FRMD6: variants seen among roughly 807,000 people sequenced by gnomAD.
The protein encoded by FRMD6 is FERM domain containing 6.
In FRMD6, 37 loss-of-function variants were observed where a neutral mutation model predicts 73.2. The observed-to-expected ratio is 0.51, with a 90% CI of 0.39 to 0.66. FRMD6 has a LOEUF of 0.66. FRMD6 is among the 30% of genes least tolerant of loss of function. The pLI is 0.00. For synonymous variants in FRMD6, 273 were observed against 282.2 expected (o/e 0.97, Z 0.33); for missense variants, 714 against 780.5 (o/e 0.91, Z 1.02).
chr14:51,503,754 A>G lies in FRMD6; in HGVS notation c.-210+14334A>G, dbSNP rs189390950. On this transcript the variant is annotated intron_variant, in intron 1 of 14. Coordinates refer to the FRMD6 transcript ENST00000356218. ...GGCTTCATAGAATGAATTAAGGAGG[A>G]GTTTCTCCTTTTCAATTTATTAGAA... 1.7e-3 allele frequency among the ~76,000 whole-genome samples: 246 copies of G among 147,564 alleles called. 1 individual carries two copies. The highest frequency in any genetic ancestry group is 1.6e-3 in the Non-Finnish European group (109 of 67,330).
chr14:51,616,920 G>T (rs1465113), intron 2 of FRMD6, among the ~76,000 whole-genome samples: 2 of 152,086 alleles, frequency 1.3e-5, no homozygotes, highest in Non-Finnish European at 1.5e-5. Flanking sequence ...CTATGAATAC[G>T]TGTGACATTA....
At chr14:51,398,151 C>G in the FRMD6 span, among the ~76,000 whole-genome samples, 1 of 152,178 alleles carries the variant, frequency 6.6e-6, no homozygotes, top group South Asian at 2.1e-4. Flanking sequence ...AGATTTTCCT[C>G]TCAGCATTAG....
chr14:51,543,274 A>C (rs573386431), intron 1 of FRMD6, among the ~76,000 whole-genome samples: 5 of 152,082 alleles, frequency 3.3e-5, no homozygotes, highest in African/African-American at 1.2e-4. Context: ...TATATGTAAG[A>C]GTATCAAAAA....
chr14:51,467,811 G>A, the FRMD6 span, among the ~76,000 whole-genome samples: 1 of 151,948 alleles, frequency 6.6e-6, no homozygotes, highest in African/African-American at 2.4e-5. Context: ...CCCAGACTGG[G>A]CGGCCGGGCA....
intron 12 of FRMD6, among the ~76,000 whole-genome samples, chr14:51,725,550 ATCT>A (rs1197807411): frequency 1.3e-5 from 2 of 152,234 alleles, no homozygotes; most frequent in Non-Finnish European, 1.5e-5. Flanking sequence ...CAGACTAAAC[ATCT>A]TCTTACACTC....
At chr14:51,426,928 G>A in the FRMD6 span, among the ~76,000 whole-genome samples, 391 of 152,290 alleles carry the variant, frequency 2.6e-3, no homozygotes, top group Non-Finnish European at 4.1e-3. Flanking sequence ...AGCAGAATTT[G>A]CCTGAGCCCA....
intron 2 of FRMD6, among the ~76,000 whole-genome samples, chr14:51,571,653 C>A (rs921379722): frequency 3.9e-5 from 6 of 152,166 alleles, no homozygotes; most frequent in African/African-American, 1.4e-4. Context: ...CAAAGATATG[C>A]ATGATTTCTT....
At chr14:51,474,228 T>C in the FRMD6 span, among the ~76,000 whole-genome samples, 1 of 152,248 alleles carries the variant, frequency 6.6e-6, no homozygotes, top group East Asian at 1.9e-4. Flanking sequence ...GCTGGGGTGC[T>C]TATTTGTCAT....
chr14:51,715,798 A>G (rs1305625279), intron 10 of FRMD6, among the ~76,000 whole-genome samples: 1 of 152,222 alleles, frequency 6.6e-6, no homozygotes, highest in Non-Finnish European at 1.5e-5. Context: ...AGCCACCCAT[A>G]AAGGCACAGG....
intron 2 of FRMD6, among the ~76,000 whole-genome samples, chr14:51,634,677 A>T (rs1460281208): frequency 6.6e-6 from 1 of 152,222 alleles, no homozygotes; most frequent in African/African-American, 2.4e-5. Flanking sequence ...AAAACACTGG[A>T]AAAGGAAATA....
At chr14:51,641,684 C>A (rs2140032136) in intron 2 of FRMD6, among the ~76,000 whole-genome samples, 1 of 152,284 alleles carries the variant, frequency 6.6e-6, no homozygotes, top group African/African-American at 2.4e-5. Context: ...ACTAACTGCC[C>A]TGACTCACAG....
intron 4 of FRMD6, among the ~76,000 whole-genome samples, chr14:51,702,193 C>T (rs549247425): frequency 2.6e-5 from 4 of 152,090 alleles, no homozygotes; most frequent in Admixed American, 2.0e-4. Flanking sequence ...CAGAGCTGAG[C>T]GAGGAGCTGG....
intron 2 of FRMD6, among the ~76,000 whole-genome samples, chr14:51,694,764 A>G (rs768073420): frequency 6.6e-6 from 1 of 152,230 alleles, no homozygotes; most frequent in Non-Finnish European, 1.5e-5. Flanking sequence ...ACCTCATACT[A>G]TATAGCACTT....
the FRMD6 span, among the ~76,000 whole-genome samples, chr14:51,426,816 G>A: frequency 2.0e-5 from 3 of 152,174 alleles, no homozygotes; most frequent in African/African-American, 7.2e-5. Flanking sequence ...AAGTGGCAGT[G>A]AGGACCCTGG....
chr14:51,667,706 A>T (rs1893705450), intron 1 of FRMD6, among the ~76,000 whole-genome samples: 1 of 152,232 alleles, frequency 6.6e-6, no homozygotes, highest in Non-Finnish European at 1.5e-5. Flanking sequence ...AAAGAAACCC[A>T]AGATTTTCAA....
intron 2 of FRMD6, 55 bp from the exon 3 acceptor site, chr14:51,698,087 C>A (rs1456451311): frequency 7.7e-7 from 1 of 1,300,698 alleles, no homozygotes; most frequent in Non-Finnish European, 1.1e-6. Context: ...GATTGTGGCT[C>A]CCTGGGTGGA....
chr14:51,572,052 C>T (rs1566821728), intron 2 of FRMD6, among the ~76,000 whole-genome samples: 2 of 152,348 alleles, frequency 1.3e-5, no homozygotes, highest in Non-Finnish European at 2.9e-5. Flanking sequence ...CTGTTCTCTG[C>T]TCTTCTAGTT....
intron 1 of FRMD6, among the ~76,000 whole-genome samples, chr14:51,504,873 A>C (rs1432325651): frequency 6.6e-6 from 1 of 152,240 alleles, no homozygotes; most frequent in Non-Finnish European, 1.5e-5. Context: ...AAATTTAGAC[A>C]GCAGCTGCCT....
intron 1 of FRMD6, among the ~76,000 whole-genome samples, chr14:51,507,685 A>G (rs1431179257): frequency 6.6e-6 from 1 of 151,988 alleles, no homozygotes; most frequent in Non-Finnish European, 1.5e-5. Context: ...TAGTTCATAG[A>G]GTGCCTGCTG....
Sources: allele counts gnomAD v4.1 joint callset (sites outside exome capture counted in the v4.1 genomes callset), GRCh38; gene constraint gnomAD v4.1.1; transcripts MANE v1.5; gene names NCBI Gene and HGNC (gene_info 2026-07-23, HGNC 2026-07-21).